The following DYSF variants were observed in gnomAD, a reference collection of about 807,000 sequenced individuals.
The protein encoded by DYSF is dystrophy-associated fer-1-like 1.
DYSF carries 212 observed loss-of-function variants against 274.9 expected under a neutral mutation model. The observed-to-expected ratio is 0.77, with a 90% CI of 0.69 to 0.86. The LOEUF (loss-of-function observed/expected upper bound fraction) is 0.86, where lower values mean the gene tolerates loss of function less well. Ranked by LOEUF, DYSF falls within the 40% of genes least tolerant of loss-of-function variation. The pLI, the probability that DYSF is intolerant of heterozygous loss-of-function variation, is 0.00. For synonymous variants in DYSF, 1,091 were observed against 1,078.7 expected (o/e 1.01, Z -0.22); for missense variants, 2,666 against 2,783.2 (o/e 0.96, Z 0.95).
chr2:71,612,554 T>G, intron 38 of DYSF, 87 bp from the exon 39 acceptor site: 1 of 1,574,626 alleles, frequency 6.4e-7, no homozygotes, highest in Non-Finnish European at 8.7e-7. Flanking sequence ...TTATCTGCGG[T>G]TTATAGTCAT....
chr2:71,466,600 C>T (rs769324829), upstream of DYSF: 227 of 1,216,980 alleles, frequency 1.9e-4, no homozygotes, highest in Non-Finnish European at 2.2e-4. Flanking sequence ...TCCCTCCCCG[C>T]CCGCCGCGGG....
intron 4 of DYSF, among the ~76,000 whole-genome samples, chr2:71,506,609 C>T (rs2085500870): frequency 6.6e-6 from 1 of 152,030 alleles, no homozygotes; most frequent in African/African-American, 2.4e-5. Context: ...ACAGGGCTCA[C>T]ATATATCCCC....
upstream of DYSF, among the ~76,000 whole-genome samples, chr2:71,465,430 A>G (rs539833981): frequency 2.5e-3 from 386 of 152,216 alleles, 9 homozygotes; most frequent in East Asian, 4.1e-3. Flanking sequence ...GGGGTGTCCT[A>G]GGGGCATCCG....
intron 1 of DYSF, among the ~76,000 whole-genome samples, chr2:71,457,147 C>T (rs928548342): frequency 6.6e-6 from 1 of 152,170 alleles, no homozygotes; most frequent in South Asian, 2.1e-4. Flanking sequence ...TTAACTGACA[C>T]CATGCTTATT....
intron 14 of DYSF, among the ~76,000 whole-genome samples, chr2:71,530,355 C>G (rs1257814090): frequency 6.6e-6 from 1 of 152,218 alleles, no homozygotes; most frequent in Non-Finnish European, 1.5e-5. Flanking sequence ...GACCGACATG[C>G]CTTCACATTC....
chr2:71,674,142 T>C, intron 51 of DYSF, 55 bp from the exon 52 acceptor site: 1 of 1,542,322 alleles, frequency 6.5e-7, no homozygotes, highest in Non-Finnish European at 9.0e-7. Context: ...AAGGGAACAC[T>C]GCCTCTCTCT....
chr2:71,474,148 A>G (rs2082236188), intron 1 of DYSF, among the ~76,000 whole-genome samples: 1 of 151,640 alleles, frequency 6.6e-6, no homozygotes, highest in Non-Finnish European at 1.5e-5. Context: ...CTGGTCTGGA[A>G]CTCCTGACCT....
At chr2:71,685,267 GTTC>G (rs1440007859) in intron 55 of DYSF, among the ~76,000 whole-genome samples, 1 of 152,238 alleles carries the variant, frequency 6.6e-6, no homozygotes, top group Non-Finnish European at 1.5e-5. Context: ...TCTCCTTTGA[GTTC>G]TTCTGGAAGT....
intron 55 of DYSF, 87 bp from the exon 56 acceptor site, chr2:71,686,367 C>T: frequency 6.4e-7 from 1 of 1,553,048 alleles, no homozygotes; most frequent in African/African-American, 1.4e-5. Flanking sequence ...TAGCCCCATC[C>T]TCTGAGCCCC....
intron 29 of DYSF, among the ~76,000 whole-genome samples, 166 bp from the exon 30 acceptor site, chr2:71,574,032 G>A (rs1456898414): frequency 1.3e-5 from 2 of 152,136 alleles, no homozygotes; most frequent in East Asian, 3.9e-4. Flanking sequence ...GCTGCAGAAA[G>A]CCCCTCTCCT....
chr2:71,527,195 G>C (rs1416384605), intron 13 of DYSF, among the ~76,000 whole-genome samples: 4 of 152,176 alleles, frequency 2.6e-5, no homozygotes, highest in Non-Finnish European at 4.4e-5. Context: ...AGGCTCCCCA[G>C]GTTGTTCTGT....
intron 31 of DYSF, 60 bp downstream of exon 31, chr2:71,589,746 T>C: frequency 6.8e-7 from 1 of 1,469,612 alleles, no homozygotes; most frequent in South Asian, 1.1e-5. Flanking sequence ...ATGCTTCTGT[T>C]TGGATGGAGT....
chr2:71,525,159 T>A (rs1448124923), intron 12 of DYSF, among the ~76,000 whole-genome samples: 2 of 152,062 alleles, frequency 1.3e-5, no homozygotes, highest in Admixed American at 6.6e-5. Context: ...TCCCAGAAAT[T>A]CTGTTTTAAT....
chr2:71,575,138 G>A (rs1274821695), intron 30 of DYSF, among the ~76,000 whole-genome samples: 2 of 152,160 alleles, frequency 1.3e-5, no homozygotes, highest in Non-Finnish European at 2.9e-5. Context: ...GTGTGGTTGG[G>A]GTCAGGCTGG....
At chr2:71,621,468 G>A (rs1407953269) in intron 41 of DYSF, among the ~76,000 whole-genome samples, 1 of 151,960 alleles carries the variant, frequency 6.6e-6, no homozygotes, top group Non-Finnish European at 1.5e-5. Flanking sequence ...GTTTATGATA[G>A]GCACTGTTAG....
chr2:71,594,761 T>C (rs1159532558), intron 32 of DYSF, among the ~76,000 whole-genome samples: 1 of 152,218 alleles, frequency 6.6e-6, no homozygotes, highest in African/African-American at 2.4e-5. Context: ...CTGCACGGCC[T>C]ACCTCCTCAT....
In DYSF at chr2:71,533,480, C is replaced by T. The variant is rs565642042; in HGVS notation, c.1381-1541C>T. ...GACAGCTGCCTAGTACTCCATTGTA[C>T]GGACGGACCATACTTCATTTAACCT... On this transcript the variant is annotated intron_variant, in intron 14 of 55. Transcript: ENST00000410020. 8.5e-5 allele frequency among the ~76,000 whole-genome samples: 13 copies of T among 152,326 alleles called. No individual in the cohort carries two copies. The South Asian group carries it at 1.4e-3, about 17-fold the overall frequency.
intron 42 of DYSF, among the ~76,000 whole-genome samples, chr2:71,654,466 A>G (rs954394935): frequency 2.6e-5 from 4 of 152,214 alleles, no homozygotes; most frequent in African/African-American, 9.6e-5. Flanking sequence ...TAAAACTCCC[A>G]CACCGTATAA....
At chr2:71,639,001 G>A (rs946234275) in intron 41 of DYSF, among the ~76,000 whole-genome samples, 1 of 152,174 alleles carries the variant, frequency 6.6e-6, no homozygotes, top group Non-Finnish European at 1.5e-5. Context: ...CTTATTATCT[G>A]ACTTTATGAT....
Sources: gnomAD v4.1 joint callset for allele counts (sites outside exome capture counted in the v4.1 genomes callset) on GRCh38, gnomAD v4.1.1 for gene constraint, MANE v1.5 for transcripts, NCBI Gene and HGNC (gene_info 2026-07-23, HGNC 2026-07-21) for gene names.